The following ZNF532 variants were observed in gnomAD, a reference collection of about 807,000 sequenced individuals.
The protein encoded by ZNF532 is zinc finger protein 532.
In ZNF532, 22 loss-of-function variants were observed where a neutral mutation model predicts 89.3. That is an observed-to-expected ratio of 0.25 (90% CI 0.18 to 0.35). The LOEUF (loss-of-function observed/expected upper bound fraction) is 0.35, where lower values mean the gene tolerates loss of function less well. Among genes scored for constraint, ZNF532 ranks in the 10% least tolerant of loss-of-function variants. The probability of loss-of-function intolerance (pLI) is 1.00; values close to 1 mark genes in which losing one functional copy is unlikely to be tolerated. For synonymous variants in ZNF532, 606 were observed against 649.6 expected (o/e 0.93, Z 1.02); for missense variants, 1,132 against 1,643.4 (o/e 0.69, Z 5.38).
chr18:58,932,580 A>G (rs1460521218), intron 3 of ZNF532: 1 of 152,084 alleles, frequency 6.6e-6, no homozygotes, highest in Non-Finnish European at 1.5e-5. Flanking sequence ...CATTCATTAT[A>G]TCCCCACCCC....
At chr18:58,951,466 TAAAAATGGA>T in intron 6 of ZNF532, among the ~76,000 whole-genome samples, 1 of 152,244 alleles carries the variant, frequency 6.6e-6, no homozygotes, top group South Asian at 2.1e-4. Context: ...TTTAAATAGT[TAAAAATGGA>T]AAAACTTAGC....
intron 2 of ZNF532, among the ~76,000 whole-genome samples, chr18:58,871,002 A>G (rs2056933286): frequency 6.6e-6 from 1 of 152,094 alleles, no homozygotes; most frequent in Non-Finnish European, 1.5e-5. Context: ...ATGAACATAA[A>G]ACAGAGAGGA....
chr18:58,963,305 T>C (rs1333331962), intron 7 of ZNF532, among the ~76,000 whole-genome samples: 1 of 152,144 alleles, frequency 6.6e-6, no homozygotes, highest in African/African-American at 2.4e-5. Context: ...AGGGTGCAGG[T>C]GATAGGTGAT....
In ZNF532 at chr18:58,916,832, C is replaced by G. The variant is rs1025054752; in HGVS notation, c.-17-1439C>G. 33 of 624,976 alleles carry G rather than the reference C, an allele frequency of 5.3e-5. No homozygotes were observed. The African/African-American group carries it at 6.0e-4, about 11-fold the overall frequency. 38.7% of individuals were successfully genotyped at this position (624,976 alleles called of 1,614,324 possible). On this transcript the variant is annotated intron_variant, in intron 2 of 9. Coordinates refer to ENST00000591808, the MANE Select transcript of ZNF532 (RefSeq NM_001375912.1). ...ACTGAGTAGAAATTCTCTCTTGACC[C>G]TGGAATAGTTACTTTTATTAGGAAT...
chr18:58,948,299 G>A (rs2063833568), intron 6 of ZNF532, 70 bp downstream of exon 6: 3 of 1,488,156 alleles, frequency 2.0e-6, no homozygotes, highest in Non-Finnish European at 2.7e-6. Flanking sequence ...TCAAGGCTGA[G>A]CTGCAGGTGA....
At chr18:58,978,998 A>G in intron 7 of ZNF532, 57 bp from the exon 8 acceptor site, 1 of 1,375,374 alleles carries the variant, frequency 7.3e-7, no homozygotes, top group Non-Finnish European at 1.0e-6. Context: ...AGAGTTCTTA[A>G]TTGTTTGAGT....
chr18:58,948,092 G>A lies in ZNF532; in HGVS notation c.2731G>A (p.Asp911Asn), dbSNP rs762141201. Residue 911 changes from aspartate (D) to asparagine (N), a missense_variant, in exon 6 of 10, where the codon GAC becomes AAC. Coordinates refer to ENST00000591808, the MANE Select transcript of ZNF532 (RefSeq NM_001375912.1). ...AATAATATATAAGTGTTCCATGTGCGACACTGTGTTCACCCTGCAAACCTT... is the reference window on the plus strand; with the variant it reads ...AATAATATATAAGTGTTCCATGTGCAACACTGTGTTCACCCTGCAAACCTT... ...PKIIYKCSMC[D>N]TVFTLQTLLY... 4 of 1,613,294 alleles carry A rather than the reference G, an allele frequency of 2.5e-6. No individual in the cohort carries two copies. The highest frequency in any genetic ancestry group is 1.1e-5 in the South Asian group (1 of 90,934).
intron 2 of ZNF532, among the ~76,000 whole-genome samples, chr18:58,868,909 C>T (rs910402899): frequency 2.6e-5 from 4 of 152,204 alleles, no homozygotes; most frequent in South Asian, 2.1e-4. Context: ...GTGTAGCCTA[C>T]TATAGCCTAC....
chr18:58,894,832 A>G (rs1196258629), intron 2 of ZNF532, among the ~76,000 whole-genome samples: 1 of 152,180 alleles, frequency 6.6e-6, no homozygotes, highest in African/African-American at 2.4e-5. Context: ...TTAGAGATTA[A>G]TGTACATGAA....
At chr18:58,965,741 G>A (rs2147300071) in intron 7 of ZNF532, among the ~76,000 whole-genome samples, 1 of 152,324 alleles carries the variant, frequency 6.6e-6, no homozygotes, top group Admixed American at 6.5e-5. Flanking sequence ...GCATCATGGT[G>A]TCGTTAATTA....
In ZNF532 at chr18:58,918,664, T is replaced by A. The variant is rs2060784600; in HGVS notation, c.377T>A (p.Phe126Tyr). ...GAGGTGACACTGAAAGACTCGACAT[T>A]CAGCCAGTTTAGCCCGATCTCCAGT... is the stretch of plus-strand genomic sequence containing the variant. Reference protein sequence around the residue: ...ASEVTLKDSTFSQFSPISSAE... With the variant: ...ASEVTLKDSTYSQFSPISSAE... The change falls in exon 3 of 10, where the codon TTC becomes TAC. Residue 126 changes from phenylalanine (F) to tyrosine (Y), a missense_variant. Physicochemically the swap from Phe to Tyr is conservative, Grantham distance 22. Transcript: ENST00000591808. 6.2e-7 allele frequency: 1 copy of A among 1,614,006 alleles called. No homozygotes were observed. Among genetic ancestry groups the A allele is most frequent in the Admixed American group, 1.7e-5 (1 of 60,006 alleles).
intron 2 of ZNF532, among the ~76,000 whole-genome samples, chr18:58,888,893 A>T (rs9962932): frequency 0.041 from 2,137 of 52,442 alleles, 328 homozygotes; most frequent in African/African-American, 0.24. Flanking sequence ...TATATATTTT[A>T]TATATATATA....
At chr18:58,924,496 G>A (rs182769306) in intron 3 of ZNF532, among the ~76,000 whole-genome samples, 104 of 152,318 alleles carry the variant, frequency 6.8e-4, no homozygotes, top group Non-Finnish European at 1.2e-3. Flanking sequence ...CAGGTCCATC[G>A]CCCTTTACTC....
rs1457677519 is a variant in ZNF532, at chr18:58,865,185, C to G, written c.-328C>G. ...GGTGGGGACACTTGGTTGATGCAGT[C>G]TCTCTCTCTCTTTCTCGGTGTTTAT... On this transcript the variant is annotated 5_prime_UTR_variant, in exon 1 of 10. Transcript: ENST00000591808. 1 of 151,580 alleles carries G rather than the reference C, an allele frequency of 6.6e-6. No homozygotes were observed. Among genetic ancestry groups the G allele is most frequent in the Non-Finnish European group, 1.5e-5 (1 of 67,928 alleles). 9.4% of individuals were successfully genotyped at this position (151,580 alleles called of 1,614,324 possible). A position where few individuals can be genotyped will look rare whatever the true frequency, so the allele number is the denominator to read the frequency against.
intron 6 of ZNF532, among the ~76,000 whole-genome samples, chr18:58,948,494 AC>A (rs2063853134): frequency 6.6e-6 from 1 of 151,804 alleles, no homozygotes. Flanking sequence ...GTAAAAAAGT[AC>A]TAAGTTTTTT....
intron 2 of ZNF532, among the ~76,000 whole-genome samples, chr18:58,880,767 CGCGCGT>C (rs2057836269): frequency 2.3e-5 from 3 of 130,844 alleles, no homozygotes; most frequent in African/African-American, 5.8e-5. Flanking sequence ...CGCGCACGCG[CGCGCGT>C]CTGTGTGTGT....
intron 2 of ZNF532, among the ~76,000 whole-genome samples, chr18:58,914,367 A>C (rs750054627): frequency 2.6e-5 from 4 of 152,252 alleles, no homozygotes; most frequent in Admixed American, 6.5e-5. Flanking sequence ...TAGGTCATTT[A>C]TATAGGGTTT....
At position 58,918,560 on chromosome 18, in the gene ZNF532, T is replaced by C. The variant is rs1603074357; in HGVS notation, c.273T>C (p.Asn91=). ...ACCCCACTGGCAATGGCTTACATAA[T>C]GGGTTTCTCACAGCATCCTCCCTTG... is the stretch of plus-strand genomic sequence containing the variant. ...GHNPTGNGLH[N]GFLTASSLDS... is the part of the protein sequence containing the mutation. The change falls in exon 3 of 10, where the codon AAT becomes AAC. Residue 91 remains asparagine, a synonymous_variant. Coordinates refer to ENST00000591808, the MANE Select transcript of ZNF532 (RefSeq NM_001375912.1). The C allele has an allele frequency of 2.5e-6, 4 of 1,614,142 alleles. No homozygotes were observed. Among genetic ancestry groups the C allele is most frequent in the East Asian group, 2.2e-5 (1 of 44,882 alleles).
At chr18:58,887,296 A>T (rs915786292) in intron 2 of ZNF532, among the ~76,000 whole-genome samples, 1 of 152,198 alleles carries the variant, frequency 6.6e-6, no homozygotes, top group African/African-American at 2.4e-5. Context: ...TGCTAACCTG[A>T]GGGCAGTCTT....
Sources: gnomAD v4.1 joint callset for allele counts (sites outside exome capture counted in the v4.1 genomes callset) on GRCh38, gnomAD v4.1.1 for gene constraint, MANE v1.5 for transcripts, NCBI Gene and HGNC (gene_info 2026-07-23, HGNC 2026-07-21) for gene names.